Variants in IGF1R observed in about 807,000 individuals in gnomAD.
IGF1R encodes insulin-like growth factor 1 receptor.
Under a neutral mutation model 144.6 loss-of-function variants are expected in IGF1R, and 44 were observed. That is an observed-to-expected ratio of 0.30 (90% confidence interval 0.24 to 0.39). The LOEUF is 0.39. Among genes scored for constraint, IGF1R ranks in the 10% least tolerant of loss-of-function variants. The pLI, the probability that IGF1R is intolerant of heterozygous loss-of-function variation, is 1.00. For missense variants in IGF1R, 1,355 were observed against 1,833.7 expected, an observed-to-expected ratio of 0.74 and a Z score of 4.77; for synonymous variants, 795 against 722.8, an observed-to-expected ratio of 1.10 and a Z score of -1.60.
rs185728238 is a variant in IGF1R, at chr15:98,962,444, T to G, written c.*5002T>G. On this transcript the variant is annotated 3_prime_UTR_variant, in exon 21 of 21. Coordinates refer to ENST00000650285, the MANE Select transcript of IGF1R (RefSeq NM_000875.5). ...GGCGAAAGACACTTTCTTTCTTCAC[T>G]CTGAAGTAGCTGGTGGTACAAATGA... The G allele has an allele frequency of 1.3e-5, 3 of 233,672 alleles. No homozygotes were observed. The highest frequency in any genetic ancestry group is 6.6e-5 in the African/African-American group (3 of 45,364). The allele number at this position is 233,672 out of a possible 1,614,324, so 14.5% of individuals were successfully genotyped here.
intron 2 of IGF1R, among the ~76,000 whole-genome samples, chr15:98,837,401 C>T (rs2011107088): frequency 6.6e-6 from 1 of 152,178 alleles, no homozygotes; most frequent in Admixed American, 6.5e-5. Context: ...ACCACCACAC[C>T]CAGCTAATTT....
chr15:98,824,422 G>A (rs2056855485), intron 2 of IGF1R, among the ~76,000 whole-genome samples: 1 of 152,146 alleles, frequency 6.6e-6, no homozygotes, highest in Non-Finnish European at 1.5e-5. Context: ...AATACATCCT[G>A]TAAATTATTG....
At chr15:98,861,887 A>G (rs1212451023) in intron 2 of IGF1R, among the ~76,000 whole-genome samples, 2 of 152,262 alleles carry the variant, frequency 1.3e-5, no homozygotes, top group African/African-American at 4.8e-5. Flanking sequence ...CTTCTGTTGC[A>G]TATCCCATAA....
intron 1 of IGF1R, among the ~76,000 whole-genome samples, chr15:98,700,323 TGA>T (rs763177972): frequency 3.3e-5 from 5 of 152,100 alleles, no homozygotes; most frequent in Non-Finnish European, 7.4e-5. Context: ...GGGGGTTTTC[TGA>T]GAGAGAGAAT....
At chr15:98,701,324 ATTTTTTTTTTTTTTTTTT>A (rs10581900) in intron 1 of IGF1R, among the ~76,000 whole-genome samples, 3 of 73,000 alleles carry the variant, frequency 4.1e-5, no homozygotes, top group Admixed American at 3.3e-4. Context: ...AGCCTATCTC[ATTTTTTTTTTTTTTTTTT>A]TTTTTTTTTT....
At chr15:98,847,256 A>G (rs1032597764) in intron 2 of IGF1R, among the ~76,000 whole-genome samples, 1 of 152,148 alleles carries the variant, frequency 6.6e-6, no homozygotes, top group Non-Finnish European at 1.5e-5. Flanking sequence ...GGATTAAGGT[A>G]TGAGCCACCT....
rs772548144 is a variant in IGF1R, at chr15:98,957,271, G to A, written c.3933G>A (p.Ser1311=). Residue 1311 remains serine, a synonymous_variant, in exon 21 of 21, where the codon TCG becomes TCA. Transcript: ENST00000650285. The part of the protein sequence containing the change: ...ESVPLDPSAS[S]SSLPLPDRHS... ...TCCCCCTGGACCCCTCGGCCTCCTC[G>A]TCCTCCCTGCCACTGCCCGACAGAC... is the stretch of plus-strand genomic sequence containing the variant. 5.1e-5 allele frequency: 82 copies of A among 1,613,786 alleles called. No individual in the cohort carries two copies. Among genetic ancestry groups the A allele is most frequent in the Middle Eastern group, 3.3e-4 (2 of 6,082 alleles).
chr15:98,901,167 C>T (rs11639154), intron 5 of IGF1R, among the ~76,000 whole-genome samples: 120 of 152,320 alleles, frequency 7.9e-4, no homozygotes, highest in Middle Eastern at 6.8e-3. Flanking sequence ...TTTAAGGTTG[C>T]GTGCTCAGGT....
intron 19 of IGF1R, 136 bp downstream of exon 19, chr15:98,943,188 C>A: frequency 1.0e-6 from 1 of 977,124 alleles, no homozygotes; most frequent in Non-Finnish European, 1.6e-6. Flanking sequence ...GTGTGAGCCA[C>A]ACTTCTTCAT....
At chr15:98,872,718 C>T (rs1482932145) in intron 2 of IGF1R, among the ~76,000 whole-genome samples, 1 of 152,150 alleles carries the variant, frequency 6.6e-6, no homozygotes, top group African/African-American at 2.4e-5. Context: ...AAACTTACTT[C>T]ATTCTAACCC....
intron 5 of IGF1R, among the ~76,000 whole-genome samples, chr15:98,904,601 A>G (rs920484408): frequency 3.9e-5 from 6 of 152,100 alleles, no homozygotes; most frequent in African/African-American, 1.5e-4. Context: ...AAAAAAGGCC[A>G]AATACTCTTA....
chr15:98,856,253 A>G (rs149603782), intron 2 of IGF1R, among the ~76,000 whole-genome samples: 2 of 152,358 alleles, frequency 1.3e-5, no homozygotes, highest in Non-Finnish European at 2.9e-5. Flanking sequence ...GACGAGGACA[A>G]TCGTAGCCTT....
At chr15:98,869,300 A>C (rs959063882) in intron 2 of IGF1R, among the ~76,000 whole-genome samples, 36 of 150,560 alleles carry the variant, frequency 2.4e-4, no homozygotes, top group African/African-American at 8.4e-4. Flanking sequence ...TAAAAAAAAC[A>C]AACAACAACA....
chr15:98,727,677 AG>A lies in IGF1R; in HGVS notation c.640+19571del, dbSNP rs938460735. ...GCATTATACCCAGGGGCTGGAGGGC[AG>A]AGAGCAGGTCTTCTTCTGCTGGTCG... On this transcript the variant is annotated intron_variant, in intron 2 of 20. Transcript: ENST00000650285. Among the ~76,000 whole-genome samples the A allele has an allele frequency of 1.4e-3, 216 of 152,320 alleles. 1 individual carries two copies. Among genetic ancestry groups the A allele is most frequent in the African/African-American group, 5.0e-3 (207 of 41,562 alleles).
At chr15:98,762,225 T>G (rs879891549) in intron 2 of IGF1R, among the ~76,000 whole-genome samples, 8,357 of 127,446 alleles carry the variant, frequency 0.066, 282 homozygotes, top group Middle Eastern at 0.15. Flanking sequence ...TGATTTTTCT[T>G]TTCTTTTCTT....
intron 2 of IGF1R, among the ~76,000 whole-genome samples, chr15:98,741,423 T>G (rs8037467): frequency 0.3 from 46,108 of 152,000 alleles, 7,150 homozygotes; most frequent in South Asian, 0.38. Flanking sequence ...GCTGCCTGAT[T>G]TGTGCTTTTT....
intron 1 of IGF1R, among the ~76,000 whole-genome samples, chr15:98,674,017 A>G (rs1267083519): frequency 6.6e-6 from 1 of 152,230 alleles, no homozygotes; most frequent in Middle Eastern, 3.2e-3. Context: ...GGCAGAGTGA[A>G]TGAGTGGTGG....
intron 1 of IGF1R, among the ~76,000 whole-genome samples, chr15:98,702,354 A>G (rs1430438263): frequency 6.6e-6 from 1 of 152,016 alleles, no homozygotes; most frequent in Non-Finnish European, 1.5e-5. Flanking sequence ...ATTTAATTTT[A>G]TTATTGTTTT....
chr15:98,918,271 C>T (rs1372270223), intron 10 of IGF1R, among the ~76,000 whole-genome samples: 1 of 152,128 alleles, frequency 6.6e-6, no homozygotes, highest in Non-Finnish European at 1.5e-5. Flanking sequence ...GCTGCCAGCA[C>T]CCCACCCAGC....
Sources: allele counts gnomAD v4.1 joint callset (sites outside exome capture counted in the v4.1 genomes callset), GRCh38; gene constraint gnomAD v4.1.1; transcripts MANE v1.5; gene names NCBI Gene and HGNC (gene_info 2026-07-23, HGNC 2026-07-21).